Variants in DHX58 observed in about 807,000 individuals in gnomAD.
DHX58 encodes DExH-box helicase 58.
Under a neutral mutation model 65.0 loss-of-function variants are expected in DHX58, and 51 were observed. The observed-to-expected ratio is 0.78, with a 90% CI of 0.63 to 0.99. The LOEUF is 0.99. Ranked by LOEUF, DHX58 falls within the 50% of genes least tolerant of loss-of-function variation. DHX58 has a pLI of 0.00. For synonymous variants in DHX58, 350 were observed against 365.0 expected (o/e 0.96, Z 0.47); for missense variants, 773 against 891.8 (o/e 0.87, Z 1.70).
In DHX58 at chr17:42,111,470, C is replaced by A. The variant is rs201232934; in HGVS notation, c.196G>T (p.Glu66Ter). The change falls in exon 4 of 14, where the codon GAG (glutamate) becomes TAG (stop). Residue 66 changes from glutamate to a stop codon, truncating the protein, a stop_gained. Transcript: ENST00000251642. LOFTEE classifies it high-confidence loss of function. ...RVHLVTQHGE[E>*]FRRMLDGRWT... ...CGTCCATCCAGCATGCGCCTGAACT[C>A]TTCACCATGCTGGGTCACCAGGTGC... 141 of 1,614,008 alleles carry A rather than the reference C, an allele frequency of 8.7e-5. No homozygotes were observed. The highest frequency in any genetic ancestry group is 1.1e-4 in the Non-Finnish European group (133 of 1,180,016).
Position 42,105,579 on chromosome 17 carries a change from T to C in DHX58, c.1251+157A>G, listed in dbSNP as rs181811007. Among the ~76,000 whole-genome samples the C allele has an allele frequency of 1.1e-4, 16 of 151,916 alleles. No individual in the cohort carries two copies. The East Asian group carries it at 3.1e-3, about 30-fold the overall frequency. On this transcript the variant is annotated intron_variant, in intron 9 of 13. Transcript: ENST00000251642. ...CACTGGGGAGGTCAGTGTCCGCCCC[T>C]CTCCCCTAGCTCCTTGCCCCTCTGC... is the stretch of plus-strand genomic sequence containing the variant.
In DHX58 at chr17:42,110,789, A is replaced by T. The variant is rs148257372; in HGVS notation, c.495T>A (p.Gly165=). ...QRAQPLPQVL[G]LTASPGTGGA... ...CGCCAGTGCCTGGGGAGGCTGTGAG[A>T]CCCAGCACCTGGGGTAGCGGCTGTG... The change falls in exon 5 of 14, where the codon GGT becomes GGA. Residue 165 remains glycine (G), a synonymous_variant. Coordinates refer to ENST00000251642, the MANE Select transcript of DHX58 (RefSeq NM_024119.3). 1.6e-4 allele frequency: 258 copies of T among 1,613,666 alleles called. 2 individuals carry two copies. The highest frequency in any genetic ancestry group is 1.8e-4 in the Non-Finnish European group (213 of 1,179,814).
intron 12 of DHX58, 69 bp from the exon 13 acceptor site, chr17:42,102,381 C>A: frequency 7.2e-7 from 1 of 1,381,602 alleles, no homozygotes; most frequent in Non-Finnish European, 1.0e-6. Context: ...TGCCCTCCTG[C>A]CGGCCAAGTC....
chr17:42,102,993 G>C (rs1555661827), intron 12 of DHX58, among the ~76,000 whole-genome samples: 1 of 151,922 alleles, frequency 6.6e-6, no homozygotes, highest in African/African-American at 2.4e-5. Context: ...TCAATATGTT[G>C]GCCAGACTGG....
chr17:42,103,769 G>T lies in DHX58; in HGVS notation c.1593C>A (p.Thr531=), dbSNP rs2054013584. ...KIRDLQQAAL[T]KRAAQAAQRE... is the part of the protein sequence containing the mutation. ...GCTGGGCTGCCTGGGCCGCCCGCTT[G>T]GTCAAGGCTGCCTGCTGCAGATCCC... The change falls in exon 12 of 14, where the codon ACC becomes ACA. Residue 531 remains threonine, a synonymous_variant. Coordinates refer to ENST00000251642, the MANE Select transcript of DHX58 (RefSeq NM_024119.3). 6.2e-7 allele frequency: 1 copy of T among 1,610,032 alleles called. No individual in the cohort carries two copies. The highest frequency in any genetic ancestry group is 1.3e-5 in the African/African-American group (1 of 75,026).
Position 42,102,559 on chromosome 17 carries a change from C to G in DHX58, c.1755-247G>C, listed in dbSNP as rs369217007. On this transcript the variant is annotated intron_variant, in intron 12 of 13. Coordinates refer to ENST00000251642, the MANE Select transcript of DHX58 (RefSeq NM_024119.3). Reference sequence around the variant, plus strand: ...TGGTCTTCACAGTCTCCTTATGGGTCTCTCTGCCTCCATTTTTACTCCCAA... The same window carrying G: ...TGGTCTTCACAGTCTCCTTATGGGTGTCTCTGCCTCCATTTTTACTCCCAA... 9 of 414,132 alleles carry G rather than the reference C, an allele frequency of 2.2e-5. No homozygotes were observed. The East Asian group carries it at 3.0e-4, about 14-fold the overall frequency. The allele number at this position is 414,132 out of a possible 1,614,324, so 25.7% of individuals were successfully genotyped here.
Position 42,101,770 on chromosome 17 carries a change from G to A in DHX58, c.2028C>T (p.Ser676=). ...QHCAENLSDL[S]LD ...TGCAGCAATGAGGTGGTCAGTCCAG[G>A]GAGAGGTCCGACAAGTTCTCGGCAC... The change falls in exon 14 of 14, where the codon TCC becomes TCT. Residue 676 remains serine, a synonymous_variant. Coordinates refer to ENST00000251642, the MANE Select transcript of DHX58 (RefSeq NM_024119.3). 6 of 1,614,152 alleles carry A rather than the reference G, an allele frequency of 3.7e-6. No homozygotes were observed. Among genetic ancestry groups the A allele is most frequent in the South Asian group, 1.1e-5 (1 of 91,088 alleles).
chr17:42,111,134 A>G (rs1421405797), intron 4 of DHX58, among the ~76,000 whole-genome samples, 162 bp downstream of exon 4: 1 of 152,190 alleles, frequency 6.6e-6, no homozygotes, highest in Non-Finnish European at 1.5e-5. Context: ...CCTACACGAT[A>G]GCCCGGCCTG....
Position 42,107,650 on chromosome 17 carries a change from T to G in DHX58, c.951A>C (p.Lys317Asn), listed in dbSNP as rs782316857. The change falls in exon 8 of 14, where the codon AAA becomes AAC. Residue 317 changes from lysine (K) to asparagine (N), a missense_variant. Lys to Asn is a moderately conservative substitution (Grantham distance 94, BLOSUM62 0). Transcript: ENST00000251642. The part of the protein sequence containing the change: ...QDFYHREHVT[K>N]TQILCAERRL... ...GGCGCTCGGCACACAGGATCTGGGT[T>G]TTAGTGACGTGCTCCCTGTGATAGA... 1 of 1,613,020 alleles carries G rather than the reference T, an allele frequency of 6.2e-7. No homozygotes were observed. Among genetic ancestry groups the G allele is most frequent in the Non-Finnish European group, 8.5e-7 (1 of 1,179,576 alleles).
At chr17:42,105,242 G>T in intron 9 of DHX58, 75 bp from the exon 10 acceptor site, 1 of 1,483,298 alleles carries the variant, frequency 6.7e-7, no homozygotes. Flanking sequence ...TGCCAGAGTA[G>T]CCTCTTCTGG....
chr17:42,102,815 A>G (rs2053999340), intron 12 of DHX58: 1 of 151,964 alleles, frequency 6.6e-6, no homozygotes, highest in Admixed American at 6.6e-5. Context: ...TTTTTTTTAA[A>G]GGCAGAGTCT....
intron 8 of DHX58, among the ~76,000 whole-genome samples, 184 bp from the exon 9 acceptor site, chr17:42,106,173 A>C (rs1180688985): frequency 4.6e-5 from 7 of 150,966 alleles, no homozygotes; most frequent in African/African-American, 7.3e-5. Flanking sequence ...AAAAAAAAAG[A>C]AAGCAAGAAA....
intron 11 of DHX58, 33 bp downstream of exon 11, chr17:42,104,732 TC>T (rs782435630): frequency 6.2e-7 from 1 of 1,608,690 alleles, no homozygotes; most frequent in East Asian, 2.2e-5. Context: ...CTCCTCCCCA[TC>T]CCTCCCACAG....
intron 5 of DHX58, among the ~76,000 whole-genome samples, chr17:42,109,900 A>AT: frequency 6.6e-6 from 1 of 151,184 alleles, no homozygotes; most frequent in South Asian, 2.1e-4. Flanking sequence ...CAAAAAAAAA[A>AT]AAAGAGGCTG....
chr17:42,103,821 G>A lies in DHX58; in HGVS notation c.1564-23C>T, dbSNP rs782031836. On this transcript the variant is annotated intron_variant, in intron 11 of 13. Transcript: ENST00000251642. ...GATCTGGGGTGGGAGGAGACACCAG[G>A]CATGGCTGGGGCCTAAGAGAACGTT... The A allele has an allele frequency of 3.1e-6, 5 of 1,594,946 alleles. No homozygotes were observed. The Admixed American group carries it at 5.0e-5, about 16-fold the overall frequency.
Position 42,101,415 on chromosome 17 carries a change from AT to A in DHX58, c.*345del. 4.7e-6 allele frequency: 1 copy of A among 212,642 alleles called. No individual in the cohort carries two copies. The highest frequency in any genetic ancestry group is 9.3e-6 in the Non-Finnish European group (1 of 108,062). 13.2% of individuals were successfully genotyped at this position (212,642 alleles called of 1,614,324 possible). On this transcript the variant is annotated 3_prime_UTR_variant, in exon 14 of 14. Transcript: ENST00000251642. ...TAAGACACCACACATTTTCTATCCC[AT>A]TTTTTCATTTATTTTTATGAGGAGC...
Position 42,103,795 on chromosome 17 carries a change from G to A in DHX58, c.1567C>T (p.Arg523Trp), listed in dbSNP as rs142453995. ...MDQAEYQAKI[R>W]DLQQAALTKR... is the part of the protein sequence containing the mutation. ...GTCAAGGCTGCCTGCTGCAGATCCC[G>A]GATCTGGGGTGGGAGGAGACACCAG... The change falls in exon 12 of 14, where the codon CGG becomes TGG. Residue 523 changes from arginine to tryptophan, a missense_variant. Physicochemically the swap from Arg to Trp is moderately radical, Grantham distance 101. Transcript: ENST00000251642. 89 of 1,604,082 alleles carry A rather than the reference G, an allele frequency of 5.5e-5. No homozygotes were observed. In the African/African-American group the frequency reaches 8.3e-4, roughly 15 times the overall value.
rs545161529 is a variant in DHX58, at chr17:42,104,200, C to T, written c.1564-402G>A. On this transcript the variant is annotated intron_variant, in intron 11 of 13. Coordinates refer to ENST00000251642, the MANE Select transcript of DHX58 (RefSeq NM_024119.3). ...CAGCCTGGGTGACAGAGTGAGACTC[C>T]GTCTCGGGGAAAAAAAAAAAAACAG... Among the ~76,000 whole-genome samples, 36 of 150,344 alleles carry T rather than the reference C, an allele frequency of 2.4e-4. No homozygotes were observed. In the East Asian group the frequency reaches 6.2e-3, roughly 26 times the overall value.
chr17:42,107,887 T>C, intron 7 of DHX58, 92 bp from the exon 8 acceptor site: 3 of 1,563,294 alleles, frequency 1.9e-6, no homozygotes, highest in Non-Finnish European at 2.6e-6. Context: ...ACCCCTGGGG[T>C]GGATAGGCCC....
Sources: gnomAD v4.1 joint callset for allele counts (sites outside exome capture counted in the v4.1 genomes callset) on GRCh38, gnomAD v4.1.1 for gene constraint, MANE v1.5 for transcripts, NCBI Gene and HGNC (gene_info 2026-07-23, HGNC 2026-07-21) for gene names.